The following PDE12 variants were observed in gnomAD, a reference collection of about 807,000 sequenced individuals.
PDE12 encodes phosphodiesterase 12.
A neutral mutation model predicts 45.4 loss-of-function variants in PDE12; 26 were observed. The observed-to-expected ratio is 0.57, with a 90% CI of 0.42 to 0.79. PDE12 has a LOEUF of 0.79. Ranked by LOEUF, PDE12 falls within the 30% of genes least tolerant of loss-of-function variation. PDE12 has a pLI of 0.00. For synonymous variants in PDE12, 283 were observed against 323.9 expected, an observed-to-expected ratio of 0.87 and a Z score of 1.36; for missense variants, 668 against 790.0, an observed-to-expected ratio of 0.85 and a Z score of 1.85.
the PDE12 span, among the ~76,000 whole-genome samples, chr3:57,589,023 A>G: frequency 2.0e-5 from 3 of 151,146 alleles, no homozygotes; most frequent in African/African-American, 7.3e-5. Flanking sequence ...AATTGCTTGA[A>G]CCTGAGAGGC....
the PDE12 span, among the ~76,000 whole-genome samples, chr3:57,629,488 TAAAA>T: frequency 4.0e-5 from 5 of 123,940 alleles, no homozygotes; most frequent in Non-Finnish European, 8.6e-5. Flanking sequence ...ATACAGAACA[TAAAA>T]AAAAAATCAG....
the PDE12 span, among the ~76,000 whole-genome samples, chr3:57,594,875 C>G: frequency 6.6e-6 from 1 of 152,170 alleles, no homozygotes; most frequent in Admixed American, 6.6e-5. Flanking sequence ...ATCAAACTTC[C>G]AAACCACCTT....
chr3:57,592,280 G>A, the PDE12 span, among the ~76,000 whole-genome samples: 2 of 152,086 alleles, frequency 1.3e-5, no homozygotes, highest in Non-Finnish European at 2.9e-5. Context: ...CCTGAGGTCA[G>A]GAGTTTGAGA....
At chr3:57,652,663 T>G in the PDE12 span, among the ~76,000 whole-genome samples, 1 of 152,180 alleles carries the variant, frequency 6.6e-6, no homozygotes, top group Non-Finnish European at 1.5e-5. Flanking sequence ...AACTTATCAG[T>G]GGAGAAGCTT....
the PDE12 span, among the ~76,000 whole-genome samples, chr3:57,595,705 C>A: frequency 6.6e-6 from 1 of 152,214 alleles, no homozygotes; most frequent in East Asian, 1.9e-4. Flanking sequence ...TCCCAGCACT[C>A]TGGGAAGCCT....
chr3:57,614,523 GTTTT>G, the PDE12 span, among the ~76,000 whole-genome samples: 8 of 132,048 alleles, frequency 6.1e-5, no homozygotes, highest in African/African-American at 1.1e-4. Flanking sequence ...CCTGTAATCC[GTTTT>G]TTTTTTTTTG....
the PDE12 span, among the ~76,000 whole-genome samples, chr3:57,624,931 G>A: frequency 1.3e-5 from 2 of 152,030 alleles, no homozygotes; most frequent in African/African-American, 4.8e-5. Flanking sequence ...GACAGGTCTT[G>A]CTCTGTCACC....
At chr3:57,576,104 C>A in the PDE12 span, among the ~76,000 whole-genome samples, 1 of 151,862 alleles carries the variant, frequency 6.6e-6, no homozygotes. Context: ...GACAATAACA[C>A]AATTATCTGG....
chr3:57,625,145 T>A, the PDE12 span, among the ~76,000 whole-genome samples: 1 of 152,160 alleles, frequency 6.6e-6, no homozygotes, highest in African/African-American at 2.4e-5. Flanking sequence ...GCTTAAACGA[T>A]CCTCCTGCCT....
chr3:57,599,444 A>G, the PDE12 span, among the ~76,000 whole-genome samples: 8,315 of 152,308 alleles, frequency 0.055, 337 homozygotes, highest in Non-Finnish European at 0.09. Flanking sequence ...AGTTTTATAT[A>G]GTAGAATTCC....
the PDE12 span, among the ~76,000 whole-genome samples, chr3:57,620,165 T>A: frequency 1.3e-5 from 2 of 152,176 alleles, no homozygotes; most frequent in Admixed American, 1.3e-4. Flanking sequence ...GAGGTTGCAG[T>A]GAGCTGAGAT....
the PDE12 span, among the ~76,000 whole-genome samples, chr3:57,576,934 A>C: frequency 1.3e-5 from 2 of 152,136 alleles, no homozygotes; most frequent in African/African-American, 4.8e-5. Flanking sequence ...CATCTGAACC[A>C]AGATTCCTAG....
the PDE12 span, among the ~76,000 whole-genome samples, chr3:57,640,268 CA>C: frequency 6.0e-4 from 58 of 97,212 alleles, no homozygotes; most frequent in African/African-American, 7.1e-4. Flanking sequence ...GACTCTGTCT[CA>C]AAAAAAAAAA....
Position 57,557,454 on chromosome 3 carries a change from G to C in PDE12, c.1075G>C (p.Asp359His). 6.2e-7 allele frequency: 1 copy of C among 1,614,016 alleles called. No homozygotes were observed. Among genetic ancestry groups the C allele is most frequent in the Non-Finnish European group, 8.5e-7 (1 of 1,180,016 alleles). Residue 359 changes from aspartate to histidine, a missense_variant, in exon 1 of 3, where the codon GAC becomes CAC. Coordinates refer to ENST00000311180, the MANE Select transcript of PDE12 (RefSeq NM_177966.7). The part of the protein sequence containing the change: ...LQEVDRAVFS[D>H]SLVPALEAFG... Reference sequence around the variant, plus strand: ...GGAGGTTGACCGCGCAGTGTTTTCTGACAGCTTGGTACCCGCCCTAGAGGC... The same window carrying C: ...GGAGGTTGACCGCGCAGTGTTTTCTCACAGCTTGGTACCCGCCCTAGAGGC...
chr3:57,653,520 C>T, the PDE12 span, among the ~76,000 whole-genome samples: 1 of 151,660 alleles, frequency 6.6e-6, no homozygotes, highest in Non-Finnish European at 1.5e-5. Flanking sequence ...CTGAGGCGGG[C>T]AGATCGTGAG....
the PDE12 span, among the ~76,000 whole-genome samples, chr3:57,635,494 T>C: frequency 6.6e-6 from 1 of 152,106 alleles, no homozygotes; most frequent in Non-Finnish European, 1.5e-5. Context: ...TCAAAGATTT[T>C]CTCCACCCTC....
the PDE12 span, among the ~76,000 whole-genome samples, chr3:57,582,197 C>A: frequency 6.6e-6 from 1 of 152,056 alleles, no homozygotes; most frequent in Non-Finnish European, 1.5e-5. Context: ...GCCTCTGTAT[C>A]AAGTATCTTT....
chr3:57,602,974 C>A, the PDE12 span, among the ~76,000 whole-genome samples: 14 of 151,930 alleles, frequency 9.2e-5, no homozygotes, highest in Non-Finnish European at 2.1e-4. Context: ...TGAGACCAAC[C>A]TGGCCAACAT....
At chr3:57,592,000 T>C in the PDE12 span, among the ~76,000 whole-genome samples, 1 of 152,210 alleles carries the variant, frequency 6.6e-6, no homozygotes, top group Non-Finnish European at 1.5e-5. Context: ...CAACTTTGAA[T>C]ACATATACTA....
Sources: allele counts gnomAD v4.1 joint callset (sites outside exome capture counted in the v4.1 genomes callset), GRCh38; gene constraint gnomAD v4.1.1; transcripts MANE v1.5; gene names NCBI Gene and HGNC (gene_info 2026-07-23, HGNC 2026-07-21).